The following TENM3 variants were observed in gnomAD, a reference collection of about 807,000 sequenced individuals.
The protein encoded by TENM3 is teneurin transmembrane protein 3, also known as teneurin-3.
TENM3 carries 63 observed loss-of-function variants against 255.1 expected under a neutral mutation model. The observed-to-expected ratio is 0.25, with a 90% CI of 0.20 to 0.30. The LOEUF is 0.30. Among genes scored for constraint, TENM3 ranks in the 10% least tolerant of loss-of-function variants. The pLI, the probability that TENM3 is intolerant of heterozygous loss-of-function variation, is 1.00. For missense variants in TENM3, 2,929 were observed against 3,461.1 expected (o/e 0.85, Z 3.86); for synonymous variants, 1,306 against 1,322.3 (o/e 0.99, Z 0.27).
chr4:182,386,914 G>T (rs867318847), intron 3 of TENM3, among the ~76,000 whole-genome samples: 2 of 152,204 alleles, frequency 1.3e-5, no homozygotes, highest in African/African-American at 4.8e-5. Flanking sequence ...CCCATCGACC[G>T]CCCAAGGGCT....
chr4:181,494,921 A>G, the TENM3 span, among the ~76,000 whole-genome samples: 4 of 152,242 alleles, frequency 2.6e-5, no homozygotes, highest in African/African-American at 9.6e-5. Context: ...CCATCTTTCC[A>G]AATTATTCCC....
At chr4:182,551,461 C>T (rs1359603445) in intron 3 of TENM3, among the ~76,000 whole-genome samples, 1 of 151,772 alleles carries the variant, frequency 6.6e-6, no homozygotes, top group Non-Finnish European at 1.5e-5. Flanking sequence ...TGGTCAATTA[C>T]GTGAATTTGC....
At chr4:182,380,000 GGCTCACC>G (rs1353990896) in intron 3 of TENM3, among the ~76,000 whole-genome samples, 1 of 152,208 alleles carries the variant, frequency 6.6e-6, no homozygotes, top group Non-Finnish European at 1.5e-5. Context: ...TGGGCGCAGT[GGCTCACC>G]CCTGTAATCC....
At chr4:181,784,713 G>A in the TENM3 span, among the ~76,000 whole-genome samples, 2 of 152,036 alleles carry the variant, frequency 1.3e-5, no homozygotes, top group South Asian at 2.1e-4. Flanking sequence ...TTCTCATGAG[G>A]ACTATATTAT....
chr4:181,484,005 T>C, the TENM3 span, among the ~76,000 whole-genome samples: 4 of 152,178 alleles, frequency 2.6e-5, no homozygotes, highest in African/African-American at 9.6e-5. Flanking sequence ...AGTTTTACAT[T>C]GTTTCAATGG....
the TENM3 span, among the ~76,000 whole-genome samples, chr4:181,926,255 T>G: frequency 6.6e-6 from 1 of 152,218 alleles, no homozygotes; most frequent in South Asian, 2.1e-4. Context: ...ATATGAATGG[T>G]CTTTATCACT....
intron 3 of TENM3, among the ~76,000 whole-genome samples, chr4:182,517,154 T>C (rs1390899159): frequency 2.0e-5 from 3 of 152,094 alleles, no homozygotes; most frequent in Non-Finnish European, 4.4e-5. Flanking sequence ...TCACTTTTAC[T>C]ATGGAGCCAG....
chr4:181,692,748 C>T, the TENM3 span, among the ~76,000 whole-genome samples: 146 of 152,166 alleles, frequency 9.6e-4, 1 homozygote, highest in Non-Finnish European at 1.4e-3. Context: ...GGATGGTATG[C>T]GGGGCATCAG....
intron 24 of TENM3, among the ~76,000 whole-genome samples, chr4:182,784,505 T>C (rs918441115): frequency 4.6e-5 from 7 of 151,584 alleles, no homozygotes; most frequent in Non-Finnish European, 1.0e-4. Context: ...TGCTGTCTTT[T>C]TGTTTGTCTG....
chr4:182,487,075 C>T (rs1279069582), intron 3 of TENM3, among the ~76,000 whole-genome samples: 2 of 152,150 alleles, frequency 1.3e-5, no homozygotes, highest in Non-Finnish European at 2.9e-5. Flanking sequence ...AAAGGAGCTC[C>T]ACAGCGGACA....
chr4:181,831,867 A>C, the TENM3 span, among the ~76,000 whole-genome samples: 1 of 152,122 alleles, frequency 6.6e-6, no homozygotes, highest in Admixed American at 6.5e-5. Flanking sequence ...CAATACACTA[A>C]GAGTCCAAAA....
At chr4:181,917,511 G>A in the TENM3 span, among the ~76,000 whole-genome samples, 8 of 152,102 alleles carry the variant, frequency 5.3e-5, no homozygotes, top group Non-Finnish European at 8.8e-5. Context: ...AAGAAGCAAG[G>A]TATCACAGAA....
At chr4:181,857,638 G>A in the TENM3 span, among the ~76,000 whole-genome samples, 4 of 148,778 alleles carry the variant, frequency 2.7e-5, no homozygotes, top group African/African-American at 1.0e-4. Flanking sequence ...TGCACCTGTA[G>A]TCCCAGCTAC....
chr4:181,789,943 T>C, the TENM3 span, among the ~76,000 whole-genome samples: 1 of 152,106 alleles, frequency 6.6e-6, no homozygotes, highest in Non-Finnish European at 1.5e-5. Flanking sequence ...AACCAGTCAA[T>C]TTAAGTCTTT....
intron 12 of TENM3, among the ~76,000 whole-genome samples, chr4:182,694,208 C>T (rs970313046): frequency 6.6e-6 from 1 of 151,990 alleles, no homozygotes; most frequent in African/African-American, 2.4e-5. Flanking sequence ...CTCCTGAGCC[C>T]AAGTGATCCT....
the TENM3 span, among the ~76,000 whole-genome samples, chr4:182,044,230 G>A: frequency 6.6e-6 from 1 of 151,774 alleles, no homozygotes; most frequent in Non-Finnish European, 1.5e-5. Context: ...CCTTGGAAAA[G>A]CACAAAAAAA....
At chr4:181,692,495 G>A in the TENM3 span, among the ~76,000 whole-genome samples, 4 of 152,120 alleles carry the variant, frequency 2.6e-5, no homozygotes, top group South Asian at 6.2e-4. Flanking sequence ...TAAAACATAA[G>A]GTTCCTCACT....
At chr4:182,615,960 A>G (rs1429440845) in intron 4 of TENM3, among the ~76,000 whole-genome samples, 1 of 152,166 alleles carries the variant, frequency 6.6e-6, no homozygotes, top group Non-Finnish European at 1.5e-5. Flanking sequence ...CTGATATCCT[A>G]ATACCTTACT....
intron 7 of TENM3, among the ~76,000 whole-genome samples, chr4:182,673,776 T>C (rs1442129228): frequency 6.6e-6 from 1 of 152,198 alleles, no homozygotes; most frequent in Non-Finnish European, 1.5e-5. Flanking sequence ...GATAACCAAG[T>C]ATGATCATGT....
Sources: gnomAD v4.1 joint callset for allele counts (sites outside exome capture counted in the v4.1 genomes callset) on GRCh38, gnomAD v4.1.1 for gene constraint, MANE v1.5 for transcripts, NCBI Gene and HGNC (gene_info 2026-07-23, HGNC 2026-07-21) for gene names.